Variants in FAM78B observed in about 807,000 individuals in gnomAD.
FAM78B encodes the protein family with sequence similarity 78 member B.
Under a neutral mutation model 20.0 loss-of-function variants are expected in FAM78B, and 10 were observed. The ratio of observed to expected loss-of-function variants is 0.50; its 90% confidence interval spans 0.31 to 0.85. The LOEUF (loss-of-function observed/expected upper bound fraction) is 0.85. FAM78B is among the 40% of genes least tolerant of loss of function. The probability of loss-of-function intolerance (pLI) is 0.05; values close to 1 mark genes in which losing one functional copy is unlikely to be tolerated. For missense variants in FAM78B, 283 were observed against 345.0 expected (o/e 0.82, Z 1.42); for synonymous variants, 135 against 132.8 (o/e 1.02, Z -0.12).
chr1:166,083,644 A>G (rs1474016344), intron 1 of FAM78B, among the ~76,000 whole-genome samples: 1 of 152,146 alleles, frequency 6.6e-6, no homozygotes, highest in African/African-American at 2.4e-5. Flanking sequence ...AGCTAGGACT[A>G]CACGTGCGTG....
intron 1 of FAM78B, among the ~76,000 whole-genome samples, chr1:166,164,130 T>C (rs1656264089): frequency 6.6e-6 from 1 of 152,268 alleles, no homozygotes; most frequent in African/African-American, 2.4e-5. Context: ...ATATATTTGC[T>C]TTTACTTATT....
intron 1 of FAM78B, among the ~76,000 whole-genome samples, chr1:166,077,847 AATAAT>A (rs1652358130): frequency 8.4e-6 from 1 of 119,746 alleles, no homozygotes; most frequent in African/African-American, 3.3e-5. Flanking sequence ...TTATATATAT[AATAAT>A]ATATATAATT....
downstream of FAM78B, among the ~76,000 whole-genome samples, chr1:166,069,151 G>A (rs186423035): frequency 6.6e-6 from 1 of 152,224 alleles, no homozygotes; most frequent in African/African-American, 2.4e-5. Flanking sequence ...ACATAGAAAG[G>A]CTACAGGTAG....
intron 1 of FAM78B, among the ~76,000 whole-genome samples, chr1:166,100,481 G>A (rs1307623251): frequency 6.6e-6 from 1 of 152,182 alleles, no homozygotes; most frequent in Non-Finnish European, 1.5e-5. Flanking sequence ...GGAAAATCGG[G>A]TCCCTCCCAC....
At chr1:166,164,073 G>C (rs1656262191) in intron 1 of FAM78B, among the ~76,000 whole-genome samples, 1 of 152,180 alleles carries the variant, frequency 6.6e-6, no homozygotes, top group Non-Finnish European at 1.5e-5. Flanking sequence ...ATCTCAACTT[G>C]ACTTCTCCTA....
chr1:166,117,981 C>A (rs992329605), intron 1 of FAM78B, among the ~76,000 whole-genome samples: 1 of 152,154 alleles, frequency 6.6e-6, no homozygotes, highest in Non-Finnish European at 1.5e-5. Context: ...GGCCCAGAGT[C>A]AGGTTCAGAC....
chr1:166,067,265 C>T (rs1651830563), downstream of FAM78B, among the ~76,000 whole-genome samples: 1 of 152,202 alleles, frequency 6.6e-6, no homozygotes, highest in South Asian at 2.1e-4. Context: ...GAATAGATGA[C>T]CTAATTTAAC....
At chr1:166,109,640 T>C (rs1018008906) in intron 1 of FAM78B, among the ~76,000 whole-genome samples, 5 of 150,942 alleles carry the variant, frequency 3.3e-5, no homozygotes, top group Middle Eastern at 3.2e-3. Flanking sequence ...TACCATTTGA[T>C]CCACCAGTCA....
chr1:166,132,372 T>A (rs1209700185), intron 1 of FAM78B, among the ~76,000 whole-genome samples: 1 of 152,196 alleles, frequency 6.6e-6, no homozygotes, highest in Non-Finnish European at 1.5e-5. Context: ...AACGGTGTGA[T>A]CCTGGGAAAG....
intron 1 of FAM78B, among the ~76,000 whole-genome samples, chr1:166,131,285 G>A (rs1654868818): frequency 6.6e-6 from 1 of 152,210 alleles, no homozygotes; most frequent in South Asian, 2.1e-4. Flanking sequence ...AGCCACAAGA[G>A]TGAGCCACAG....
At chr1:166,148,141 A>AG (rs1655534967) in intron 1 of FAM78B, among the ~76,000 whole-genome samples, 1 of 152,246 alleles carries the variant, frequency 6.6e-6, no homozygotes, top group African/African-American at 2.4e-5. Context: ...GTAAGATATG[A>AG]GGGGTCTAGA....
chr1:166,164,033 C>A (rs1473421678), intron 1 of FAM78B, among the ~76,000 whole-genome samples: 2 of 152,186 alleles, frequency 1.3e-5, no homozygotes, highest in African/African-American at 4.8e-5. Context: ...CCTATAGATT[C>A]CAGGAAGTTC....
At position 166,070,451 on chromosome 1, in the gene FAM78B, C is replaced by A; in HGVS notation, c.576G>T (p.Arg192Ser). ...GGTCCACTTCAATGTCCACCCTCAT[C>A]CTCCACTTGATGGTCTGCAGAATGA... ...EKIILQTIKW[R>S]MRVDIEVDPL... Residue 192 changes from arginine (R) to serine (S), a missense_variant, in exon 2 of 2, where the codon AGG becomes AGT. Arg to Ser is a moderately radical substitution (Grantham distance 110). Coordinates refer to ENST00000354422, the MANE Select transcript of FAM78B (RefSeq NM_001017961.5). 6.2e-7 allele frequency: 1 copy of A among 1,614,188 alleles called. No homozygotes were observed. Among genetic ancestry groups the A allele is most frequent in the South Asian group, 1.1e-5 (1 of 91,076 alleles).
intron 1 of FAM78B, among the ~76,000 whole-genome samples, chr1:166,134,295 A>G (rs2101782294): frequency 6.7e-6 from 1 of 148,204 alleles, no homozygotes; most frequent in Non-Finnish European, 1.5e-5. Flanking sequence ...TTTGCTGCCA[A>G]TGGGGCCTTG....
At position 166,121,966 on chromosome 1, in the gene FAM78B, C is replaced by T. The variant is rs114573361; in HGVS notation, c.263+44020G>A. 1.2e-3 allele frequency among the ~76,000 whole-genome samples: 178 copies of T among 152,310 alleles called. 1 individual carries two copies. Among genetic ancestry groups the T allele is most frequent in the African/African-American group, 4.2e-3 (173 of 41,560 alleles). Reference sequence around the variant, plus strand: ...GAAGGCAACTCCCAACCAGGCACTACGGAGCACCCATTGTGTACTCATGGC... The same window carrying T: ...GAAGGCAACTCCCAACCAGGCACTATGGAGCACCCATTGTGTACTCATGGC... On this transcript the variant is annotated intron_variant, in intron 1 of 1. Transcript: ENST00000354422.
At chr1:166,158,289 C>A (rs917183030) in intron 1 of FAM78B, among the ~76,000 whole-genome samples, 2 of 152,158 alleles carry the variant, frequency 1.3e-5, no homozygotes, top group African/African-American at 4.8e-5. Flanking sequence ...TGTGCCACTG[C>A]ACTCCAGCCT....
At chr1:166,092,377 ACAC>A (rs1653110897) in intron 1 of FAM78B, among the ~76,000 whole-genome samples, 2 of 152,096 alleles carry the variant, frequency 1.3e-5, no homozygotes, top group Admixed American at 1.3e-4. Flanking sequence ...ATTGCTAACC[ACAC>A]CTGCCCACCA....
chr1:166,144,391 A>G (rs1346066887), intron 1 of FAM78B, among the ~76,000 whole-genome samples: 3 of 152,186 alleles, frequency 2.0e-5, no homozygotes, highest in Non-Finnish European at 4.4e-5. Flanking sequence ...ATTTGTAGGA[A>G]ATGAAAGAGA....
At chr1:166,120,570 A>T (rs1253106433) in intron 1 of FAM78B, among the ~76,000 whole-genome samples, 2 of 152,180 alleles carry the variant, frequency 1.3e-5, no homozygotes, top group Non-Finnish European at 2.9e-5. Flanking sequence ...GAACAAACCC[A>T]ATTTGTGTGG....
Sources: allele counts gnomAD v4.1 joint callset (sites outside exome capture counted in the v4.1 genomes callset), GRCh38; gene constraint gnomAD v4.1.1; transcripts MANE v1.5; gene names NCBI Gene and HGNC (gene_info 2026-07-23, HGNC 2026-07-21).